Variants in CNTN4 observed in about 807,000 individuals in gnomAD.
CNTN4 encodes contactin 4.
In CNTN4, 77 loss-of-function variants were observed where a neutral mutation model predicts 122.5. The observed-to-expected ratio is 0.63, with a 90% CI of 0.52 to 0.76. The LOEUF is 0.76. Ranked by LOEUF, CNTN4 falls within the 30% of genes least tolerant of loss-of-function variation. The pLI is 0.00. For synonymous variants in CNTN4, 512 were observed against 447.0 expected (o/e 1.15, Z -1.83); for missense variants, 1,256 against 1,259.1 (o/e 1.00, Z 0.04).
intron 13 of CNTN4, among the ~76,000 whole-genome samples, chr3:2,942,854 T>C (rs2094629653): frequency 6.6e-6 from 1 of 152,210 alleles, no homozygotes; most frequent in African/African-American, 2.4e-5. Flanking sequence ...AAATCAATTT[T>C]GCTGCACAGA....
At chr3:2,463,202 C>CT (rs201678286) in intron 3 of CNTN4, among the ~76,000 whole-genome samples, 42 of 150,154 alleles carry the variant, frequency 2.8e-4, no homozygotes, top group East Asian at 5.9e-4. Flanking sequence ...ACTAAATGGG[C>CT]TTTTTAAAAA....
chr3:2,511,290 C>T (rs918949304), intron 3 of CNTN4: 1 of 152,220 alleles, frequency 6.6e-6, no homozygotes, highest in Non-Finnish European at 1.5e-5. Flanking sequence ...GTGTGAGCCT[C>T]TGTGTATTTT....
intron 4 of CNTN4, among the ~76,000 whole-genome samples, chr3:2,631,741 A>G (rs550269252): frequency 6.6e-6 from 1 of 151,830 alleles, no homozygotes; most frequent in East Asian, 1.9e-4. Flanking sequence ...ATTAAAAATC[A>G]TTTCTGGCCA....
chr3:2,216,385 T>TGAGGGTG (rs1472860185), intron 2 of CNTN4, among the ~76,000 whole-genome samples: 1 of 152,010 alleles, frequency 6.6e-6, no homozygotes. Flanking sequence ...GAGGTCTACT[T>TGAGGGTG]GAGGGTGGAG....
intron 3 of CNTN4, among the ~76,000 whole-genome samples, chr3:2,416,923 G>C (rs1295567444): frequency 1.3e-5 from 2 of 151,764 alleles, no homozygotes; most frequent in Non-Finnish European, 1.5e-5. Context: ...CAAAGTGCTG[G>C]GATTACACGC....
At chr3:2,263,011 G>A (rs1461551495) in intron 2 of CNTN4, among the ~76,000 whole-genome samples, 5 of 152,074 alleles carry the variant, frequency 3.3e-5, no homozygotes, top group African/African-American at 1.2e-4. Flanking sequence ...AGTAGTTGTG[G>A]TACAACTGTG....
At chr3:2,897,390 T>C (rs186327024) in intron 10 of CNTN4, among the ~76,000 whole-genome samples, 1 of 152,016 alleles carries the variant, frequency 6.6e-6, no homozygotes, top group Non-Finnish European at 1.5e-5. Context: ...TCTCTTTTAA[T>C]ATGTGAATGT....
intron 2 of CNTN4, among the ~76,000 whole-genome samples, chr3:2,241,119 TTAAAAA>T (rs1256674142): frequency 6.6e-6 from 1 of 152,152 alleles, no homozygotes; most frequent in African/African-American, 2.4e-5. Context: ...AGGAAAATAT[TTAAAAA>T]TAAACAATTA....
rs117584979 is a variant in CNTN4, at chr3:2,987,242, A to C, written c.1359-1103A>C. On this transcript the variant is annotated intron_variant, in intron 13 of 24. Coordinates refer to ENST00000418658, the MANE Select transcript of CNTN4 (RefSeq NM_175607.3). Reference sequence around the variant, plus strand: ...GAAAGATTAGAACAAAACAGTAAGCAAGAGAGGCTTTTTAAAAAGCTAGAT... The same window carrying C: ...GAAAGATTAGAACAAAACAGTAAGCCAGAGAGGCTTTTTAAAAAGCTAGAT... 9.1e-4 allele frequency among the ~76,000 whole-genome samples: 138 copies of C among 152,338 alleles called. 3 individuals are homozygous for C. In the East Asian group the frequency reaches 0.023, roughly 26 times the overall value.
chr3:2,751,286 C>T (rs1241474811), intron 6 of CNTN4, among the ~76,000 whole-genome samples: 3 of 151,866 alleles, frequency 2.0e-5, no homozygotes, highest in East Asian at 3.9e-4. Flanking sequence ...CCAGCCTGGG[C>T]GACAGAGAGA....
intron 3 of CNTN4, among the ~76,000 whole-genome samples, chr3:2,544,670 G>A (rs1033549010): frequency 3.3e-5 from 5 of 151,826 alleles, no homozygotes; most frequent in African/African-American, 1.2e-4. Flanking sequence ...AGTGTTCATG[G>A]TAGTCCCTGA....
intron 2 of CNTN4, among the ~76,000 whole-genome samples, chr3:2,149,726 T>C (rs1395291541): frequency 1.3e-5 from 2 of 152,194 alleles, no homozygotes; most frequent in Admixed American, 1.3e-4. Flanking sequence ...CAATGACTTT[T>C]CCCTGTAATA....
At chr3:2,599,890 AAG>A (rs1002299438) in intron 4 of CNTN4, among the ~76,000 whole-genome samples, 2 of 152,012 alleles carry the variant, frequency 1.3e-5, no homozygotes, top group African/African-American at 4.8e-5. Flanking sequence ...ACTTATTAGC[AAG>A]AGTCCAAAAC....
At chr3:2,530,304 CTCT>C (rs1223936668) in intron 3 of CNTN4, among the ~76,000 whole-genome samples, 1 of 150,054 alleles carries the variant, frequency 6.7e-6, no homozygotes, top group Non-Finnish European at 1.5e-5. Flanking sequence ...CTTCTTTCTC[CTCT>C]TCTTTTTTTT....
At chr3:2,347,473 C>G (rs111384995) in intron 3 of CNTN4, among the ~76,000 whole-genome samples, 18,764 of 136,042 alleles carry the variant, frequency 0.14, 1,516 homozygotes, top group Middle Eastern at 0.21. Context: ...GCAGTGGCAC[C>G]ATCTCGGCTG....
At chr3:2,924,058 A>C (rs1157825402) in intron 12 of CNTN4, among the ~76,000 whole-genome samples, 1 of 152,292 alleles carries the variant, frequency 6.6e-6, no homozygotes, top group East Asian at 1.9e-4. Context: ...AAACAGATTG[A>C]GATATCAATT....
intron 6 of CNTN4, among the ~76,000 whole-genome samples, chr3:2,798,901 C>T (rs1460735010): frequency 6.6e-6 from 1 of 152,042 alleles, no homozygotes; most frequent in Non-Finnish European, 1.5e-5. Flanking sequence ...ATTTTCAGTT[C>T]TTTGAGAAAT....
In CNTN4 at chr3:2,749,070, A is replaced by C. The variant is rs73807914; in HGVS notation, c.358+3373A>C. ...TCCGTGTCACCCTGTCTAACATAAC[A>C]AGCAATTTCCATCATTTCTCCTCCT... On this transcript the variant is annotated intron_variant, in intron 6 of 24. Transcript: ENST00000418658. 2.1e-3 allele frequency among the ~76,000 whole-genome samples: 326 copies of C among 152,286 alleles called. 2 individuals are homozygous for C. Among genetic ancestry groups the C allele is most frequent in the African/African-American group, 7.7e-3 (318 of 41,564 alleles).
chr3:2,601,376 G>C (rs915089936), intron 4 of CNTN4, among the ~76,000 whole-genome samples: 1 of 152,156 alleles, frequency 6.6e-6, no homozygotes, highest in Admixed American at 6.5e-5. Context: ...ATTAATTTTT[G>C]TATAAGGTGT....
Sources: allele counts gnomAD v4.1 joint callset (sites outside exome capture counted in the v4.1 genomes callset), GRCh38; gene constraint gnomAD v4.1.1; transcripts MANE v1.5; gene names NCBI Gene and HGNC (gene_info 2026-07-23, HGNC 2026-07-21).